The following ADRA1B variants were observed in gnomAD, a reference collection of about 807,000 sequenced individuals.
ADRA1B encodes the protein adrenoceptor alpha 1B.
In ADRA1B, 17 loss-of-function variants were observed where a neutral mutation model predicts 17.9. That is an observed-to-expected ratio of 0.95 (90% CI 0.65 to 1.42). ADRA1B has a LOEUF of 1.42. Among genes scored for constraint, ADRA1B ranks in the 40% most tolerant of loss-of-function variants. The pLI, the probability that ADRA1B is intolerant of heterozygous loss-of-function variation, is 0.00. For missense variants in ADRA1B, 681 were observed against 722.1 expected, an observed-to-expected ratio of 0.94 and a Z score of 0.65; for synonymous variants, 366 against 327.6, an observed-to-expected ratio of 1.12 and a Z score of -1.27.
At chr5:159,930,282 T>C (rs1341115275) in intron 1 of ADRA1B, among the ~76,000 whole-genome samples, 1 of 152,256 alleles carries the variant, frequency 6.6e-6, no homozygotes, top group African/African-American at 2.4e-5. Context: ...AGGTTTAACC[T>C]GATTATGCGT....
chr5:159,917,552 T>C lies in ADRA1B; in HGVS notation c.647T>C (p.Leu216Pro). 6.2e-7 allele frequency: 1 copy of C among 1,614,114 alleles called. No homozygotes were observed. The highest frequency in any genetic ancestry group is 8.5e-7 in the Non-Finnish European group (1 of 1,180,000). ...FSSLGSFYIPLAVILVMYCRV... is the reference protein window; with the variant it reads ...FSSLGSFYIPPAVILVMYCRV... ...TCTCTGGGCTCCTTCTACATCCCTC[T>C]GGCGGTCATTCTAGTCATGTACTGC... The change falls in exon 1 of 2, where the codon CTG (leucine) becomes CCG (proline). Residue 216 changes from leucine to proline, a missense_variant. Leu to Pro is a moderately conservative substitution (Grantham distance 98, BLOSUM62 -3). Around this residue, in one of 3 missense-constraint regions of ADRA1B, gnomAD observed 424 missense variants for 480.2 expected, o/e 0.88. Coordinates refer to ENST00000306675, the MANE Select transcript of ADRA1B (RefSeq NM_000679.4).
the ADRA1B span, among the ~76,000 whole-genome samples, chr5:159,988,529 C>T: frequency 6.6e-6 from 1 of 152,216 alleles, no homozygotes; most frequent in African/African-American, 2.4e-5. Flanking sequence ...GTATCACTGG[C>T]CCTTCCCCTC....
At chr5:159,912,266 C>T (rs1276794823), upstream of ADRA1B, among the ~76,000 whole-genome samples, 2 of 152,234 alleles carry the variant, frequency 1.3e-5, no homozygotes, top group Non-Finnish European at 2.9e-5. Flanking sequence ...CAAGAACACA[C>T]AGCTAATAAA....
chr5:159,930,329 T>C (rs1754765796), intron 1 of ADRA1B, among the ~76,000 whole-genome samples: 1 of 152,198 alleles, frequency 6.6e-6, no homozygotes, highest in South Asian at 2.1e-4. Context: ...TGTAAAGTGG[T>C]GTTAAAACAA....
Position 159,917,871 on chromosome 5 carries a change from C to A in ADRA1B, c.949+17C>A. On this transcript the variant is annotated intron_variant, in intron 1 of 1. Coordinates refer to ENST00000306675, the MANE Select transcript of ADRA1B (RefSeq NM_000679.4). Reference sequence around the variant, plus strand: ...TACCGCTTGGTAAGTTGGGGACTAGCAGCAGGGGGACTGGGCATTTTTGGA... The same window carrying A: ...TACCGCTTGGTAAGTTGGGGACTAGAAGCAGGGGGACTGGGCATTTTTGGA... 1 of 1,574,898 alleles carries A rather than the reference C, an allele frequency of 6.3e-7. No individual in the cohort carries two copies.
At chr5:159,870,482 A>T (rs1470626017) in intron 1 of ADRA1B, 1 of 152,226 alleles carries the variant, frequency 6.6e-6, no homozygotes, top group Non-Finnish European at 1.5e-5. Flanking sequence ...TCATTCAATG[A>T]TCCACTGGCC....
chr5:159,969,901 A>T (rs1561612141), intron 1 of ADRA1B, among the ~76,000 whole-genome samples: 3 of 151,132 alleles, frequency 2.0e-5, no homozygotes, highest in Non-Finnish European at 2.9e-5. Context: ...ATATTTTCTC[A>T]TCTTTACACA....
intron 1 of ADRA1B, chr5:159,948,046 T>A (rs1755326457): frequency 1.0e-6 from 1 of 985,428 alleles, no homozygotes; most frequent in Non-Finnish European, 1.2e-6. Context: ...GGCCCATCGG[T>A]TTCACAGAGA....
intron 1 of ADRA1B, among the ~76,000 whole-genome samples, chr5:159,865,887 G>A (rs977265841): frequency 1.3e-5 from 2 of 152,178 alleles, no homozygotes; most frequent in African/African-American, 4.8e-5. Flanking sequence ...TGGTTTAGCT[G>A]AATTATTTCT....
At chr5:159,920,856 C>T (rs1344097140) in intron 1 of ADRA1B, among the ~76,000 whole-genome samples, 5 of 152,116 alleles carry the variant, frequency 3.3e-5, no homozygotes, top group Admixed American at 6.5e-5. Context: ...CTAAATTTTC[C>T]GTGAAAACTT....
In ADRA1B at chr5:159,916,765, C is replaced by A. The variant is rs531190563; in HGVS notation, c.-141C>A. On this transcript the variant is annotated 5_prime_UTR_variant, in exon 1 of 2. Transcript: ENST00000306675. ...AGACGTGCTGCCGGGCTGGGCTGCC[C>A]GGGGGAGATGACTCCTCGCCAGGAG... 5.1e-6 allele frequency: 4 copies of A among 777,236 alleles called. No homozygotes were observed. Among genetic ancestry groups the A allele is most frequent in the Admixed American group, 2.9e-5 (1 of 34,302 alleles). The allele number at this position is 777,236 out of a possible 1,614,324, so 48.1% of individuals were successfully genotyped here.
At chr5:159,898,502 G>T (rs146355837) in intron 1 of ADRA1B, among the ~76,000 whole-genome samples, 1 of 152,144 alleles carries the variant, frequency 6.6e-6, no homozygotes, top group Admixed American at 6.5e-5. Flanking sequence ...GAAACTAGGG[G>T]TTAGATTGAG....
downstream of ADRA1B, among the ~76,000 whole-genome samples, chr5:159,975,348 C>T (rs930039462): frequency 6.6e-6 from 1 of 152,124 alleles, no homozygotes; most frequent in Non-Finnish European, 1.5e-5. Flanking sequence ...GTCAGTAGGG[C>T]CTTGGTTCAA....
chr5:159,944,473 A>G (rs1293364336), intron 1 of ADRA1B, among the ~76,000 whole-genome samples: 1 of 152,254 alleles, frequency 6.6e-6, no homozygotes, highest in African/African-American at 2.4e-5. Context: ...ACACTTAGCC[A>G]AAGAAACATC....
upstream of ADRA1B, among the ~76,000 whole-genome samples, chr5:159,913,104 A>G (rs1409517335): frequency 6.6e-6 from 1 of 152,176 alleles, no homozygotes; most frequent in Non-Finnish European, 1.5e-5. Context: ...CTACAGGTCA[A>G]CTTCAGTGGC....
chr5:159,929,734 CT>C (rs1406264559), intron 1 of ADRA1B, among the ~76,000 whole-genome samples: 2 of 151,172 alleles, frequency 1.3e-5, no homozygotes, highest in Non-Finnish European at 2.9e-5. Context: ...TGCATAGATT[CT>C]TATTTGAATC....
intron 1 of ADRA1B, among the ~76,000 whole-genome samples, chr5:159,962,816 T>C (rs74919478): frequency 0.072 from 9,991 of 138,998 alleles, 521 homozygotes; most frequent in East Asian, 0.19. Context: ...TCCACAGGTG[T>C]GGGGGCCACC....
chr5:159,924,383 A>G (rs917402174), intron 1 of ADRA1B, among the ~76,000 whole-genome samples: 1 of 152,158 alleles, frequency 6.6e-6, no homozygotes, highest in African/African-American at 2.4e-5. Context: ...AACTTTACTG[A>G]GTCTCCTAAA....
At position 159,917,573 on chromosome 5, in the gene ADRA1B, A is replaced by G; in HGVS notation, c.668A>G (p.Tyr223Cys). The G allele has an allele frequency of 6.2e-7, 1 of 1,613,966 alleles. No homozygotes were observed. The highest frequency in any genetic ancestry group is 8.5e-7 in the Non-Finnish European group (1 of 1,179,984). Reference protein sequence around the residue: ...YIPLAVILVMYCRVYIVAKRT... With the variant: ...YIPLAVILVMCCRVYIVAKRT... ...CCTCTGGCGGTCATTCTAGTCATGT[A>G]CTGCCGTGTCTATATAGTGGCCAAG... Residue 223 changes from tyrosine to cysteine, a missense_variant, in exon 1 of 2, where the codon TAC becomes TGC. This residue lies in a region of ADRA1B where 424 missense variants were observed against 480.2 expected (regional missense o/e 0.88). Coordinates refer to ENST00000306675, the MANE Select transcript of ADRA1B (RefSeq NM_000679.4).
Sources: gnomAD v4.1 joint callset for allele counts (sites outside exome capture counted in the v4.1 genomes callset) on GRCh38, gnomAD v4.1.1 for gene constraint, gnomAD v4.1.1 regional missense constraint, MANE v1.5 for transcripts, NCBI Gene and HGNC (gene_info 2026-07-23, HGNC 2026-07-21) for gene names.